The following NHSL2 variants were observed in gnomAD, a reference collection of about 807,000 sequenced individuals.
NHSL2 encodes the protein NHS like 2.
A neutral mutation model predicts 53.4 loss-of-function variants in NHSL2; 27 were observed. The ratio of observed to expected loss-of-function variants is 0.51; its 90% CI spans 0.37 to 0.70. The LOEUF is 0.70. Ranked by LOEUF, NHSL2 falls within the 30% of genes least tolerant of loss-of-function variation. The pLI, the probability that NHSL2 is intolerant of heterozygous loss-of-function variation, is 0.00. For synonymous variants in NHSL2, 408 were observed against 404.1 expected (o/e 1.01, Z -0.12); for missense variants, 892 against 980.1 (o/e 0.91, Z 1.20).
At chrX:72,031,322 T>C (rs1279181104) in intron 1 of NHSL2, among the ~76,000 whole-genome samples, 1 of 111,680 alleles carries the variant, frequency 9.0e-6, no homozygotes, top group African/African-American at 3.3e-5. Flanking sequence ...ACCTCTTCCA[T>C]GCTGTGTGAT....
At chrX:72,081,877 A>G (rs960442381) in intron 1 of NHSL2, among the ~76,000 whole-genome samples, 3 of 112,300 alleles carry the variant, frequency 2.7e-5, no homozygotes, top group African/African-American at 9.7e-5. Context: ...GACTTGCTTC[A>G]GGCACTGCCT....
chrX:71,986,354 A>G (rs1261786060), intron 1 of NHSL2, among the ~76,000 whole-genome samples: 1 of 112,058 alleles, frequency 8.9e-6, no homozygotes, highest in Non-Finnish European at 1.9e-5. Flanking sequence ...ATTTAACCAA[A>G]ATGATAAATA....
chrX:71,922,937 A>T (rs1242190332), intron 1 of NHSL2, among the ~76,000 whole-genome samples: 1 of 112,171 alleles, frequency 8.9e-6, no homozygotes, highest in East Asian at 2.8e-4. Context: ...GCCCAATGAA[A>T]TCTTTTTTCC....
intron 1 of NHSL2, among the ~76,000 whole-genome samples, chrX:71,965,601 C>T (rs923406334): frequency 9.0e-6 from 1 of 111,638 alleles, no homozygotes; most frequent in Non-Finnish European, 1.9e-5. Flanking sequence ...TGTCTTTTAC[C>T]TCTCCATATA....
chrX:72,022,443 GT>G (rs1315712547), intron 1 of NHSL2, among the ~76,000 whole-genome samples: 1 of 111,333 alleles, frequency 9.0e-6, no homozygotes, highest in Non-Finnish European at 1.9e-5. Context: ...GAAGCTGGGA[GT>G]TTTAAGATCA....
At chrX:72,134,318 TCACC>T in intron 3 of NHSL2, 100 bp downstream of exon 3, 2 of 973,055 alleles carry the variant, frequency 2.1e-6, no homozygotes, top group Non-Finnish European at 2.8e-6. Flanking sequence ...TCAGCCCTGC[TCACC>T]AGCAGAGCTA....
intron 1 of NHSL2, among the ~76,000 whole-genome samples, chrX:71,980,561 GTGTGTGGGGTGTGT>G (rs1569468943): frequency 2.1e-3 from 11 of 5,158 alleles, no homozygotes; most frequent in Admixed American, 0.014. Context: ...TGTGTGTGGG[GTGTGTGGGGTGTGT>G]GTGTGTGTGT....
chrX:71,960,872 G>A (rs761561934), intron 1 of NHSL2, among the ~76,000 whole-genome samples: 1 of 112,108 alleles, frequency 8.9e-6, no homozygotes, highest in Admixed American at 9.5e-5. Context: ...TCTGTTGGAA[G>A]ACCATGTGAA....
chrX:72,053,876 A>G (rs1009210422), intron 1 of NHSL2, among the ~76,000 whole-genome samples: 9 of 111,741 alleles, frequency 8.1e-5, no homozygotes, highest in African/African-American at 2.3e-4. Context: ...TAATACTCCT[A>G]CCATCTACAG....
chrX:72,123,083 T>A (rs2042193744), intron 1 of NHSL2, among the ~76,000 whole-genome samples: 1 of 111,990 alleles, frequency 8.9e-6, no homozygotes, highest in African/African-American at 3.2e-5. Flanking sequence ...GTGGAGGCAG[T>A]TTCGCGGAGG....
At chrX:71,980,570 GTGTGTGTGT>G (rs2041972986) in intron 1 of NHSL2, among the ~76,000 whole-genome samples, 1 of 1,248 alleles carries the variant, frequency 8.0e-4, no homozygotes, top group African/African-American at 2.9e-3. Context: ...GGTGTGTGGG[GTGTGTGTGT>G]GTGTGTGTGT....
At chrX:71,960,191 G>T (rs2041861471) in intron 1 of NHSL2, among the ~76,000 whole-genome samples, 1 of 111,991 alleles carries the variant, frequency 8.9e-6, no homozygotes, top group African/African-American at 3.2e-5. Flanking sequence ...CAAATCCTTT[G>T]CCCATTTGTA....
At chrX:72,016,206 A>G (rs2147896190) in intron 1 of NHSL2, among the ~76,000 whole-genome samples, 1 of 112,540 alleles carries the variant, frequency 8.9e-6, no homozygotes, top group Admixed American at 9.3e-5. Context: ...ATGGAAAGCT[A>G]GTTACTTCAG....
At chrX:72,010,648 G>C (rs1015707320) in intron 1 of NHSL2, among the ~76,000 whole-genome samples, 2 of 111,921 alleles carry the variant, frequency 1.8e-5, no homozygotes, top group African/African-American at 6.5e-5. Flanking sequence ...ATATGTCTTG[G>C]AAACCTTTCT....
rs2042481954 is a variant in NHSL2, at chrX:72,148,659, T to C, written c.*5085T>C. 1 of 111,444 alleles carries C rather than the reference T, an allele frequency of 9.0e-6. No individual in the cohort carries two copies. Among genetic ancestry groups the C allele is most frequent in the African/African-American group, 3.3e-5 (1 of 30,567 alleles). 9.2% of individuals were successfully genotyped at this position (111,444 alleles called of 1,213,427 possible). A position where few individuals can be genotyped will look rare whatever the true frequency, so the allele number is the denominator to read the frequency against. ...ATAGTAAATAGTTATAGACACACAT[T>C]TGGGGCATTTTTAATAAGGTTAGCA... is the stretch of plus-strand genomic sequence containing the variant. On this transcript the variant is annotated 3_prime_UTR_variant, in exon 8 of 8. Coordinates refer to ENST00000633930, the MANE Select transcript of NHSL2 (RefSeq NM_001013627.3).
At chrX:71,973,830 A>G (rs1230162618) in intron 1 of NHSL2, among the ~76,000 whole-genome samples, 1 of 111,291 alleles carries the variant, frequency 9.0e-6, no homozygotes. Context: ...CCAGAATAGA[A>G]CTTCTGCAAT....
chrX:72,066,171 G>A (rs1340313505), intron 1 of NHSL2, among the ~76,000 whole-genome samples: 3 of 111,671 alleles, frequency 2.7e-5, no homozygotes, highest in African/African-American at 9.8e-5. Flanking sequence ...CTGGGACCAG[G>A]GTGAGGGAAG....
chrX:72,065,277 G>C (rs2042421727), intron 1 of NHSL2, among the ~76,000 whole-genome samples: 1 of 111,966 alleles, frequency 8.9e-6, no homozygotes, highest in Admixed American at 9.5e-5. Flanking sequence ...CATCCTCTGT[G>C]CAAGGCCCTC....
chrX:72,024,051 A>T (rs2042173129), intron 1 of NHSL2, among the ~76,000 whole-genome samples: 1 of 111,474 alleles, frequency 9.0e-6, no homozygotes, highest in Non-Finnish European at 1.9e-5. Context: ...CACTGCCAAC[A>T]AGCTTCCATG....
Sources: gnomAD v4.1 joint callset for allele counts (sites outside exome capture counted in the v4.1 genomes callset) on GRCh38, gnomAD v4.1.1 for gene constraint, MANE v1.5 for transcripts, NCBI Gene and HGNC (gene_info 2026-07-23, HGNC 2026-07-21) for gene names.